MCM8: variants seen among roughly 807,000 people sequenced by gnomAD.
MCM8 encodes the protein DNA helicase MCM8.
A neutral mutation model predicts 98.9 loss-of-function variants in MCM8; 85 were observed. The observed-to-expected ratio is 0.86, with a 90% CI of 0.72 to 1.03. MCM8 has a LOEUF of 1.03. Among genes scored for constraint, MCM8 ranks in the 50% least tolerant of loss-of-function variants. The pLI, the probability that MCM8 is intolerant of heterozygous loss-of-function variation, is 0.00. For synonymous variants in MCM8, 352 were observed against 338.6 expected (o/e 1.04, Z -0.44); for missense variants, 951 against 997.8 (o/e 0.95, Z 0.63).
chr20:5,979,557 C>T (rs2089588610), intron 13 of MCM8, among the ~76,000 whole-genome samples: 1 of 152,184 alleles, frequency 6.6e-6, no homozygotes, highest in Admixed American at 6.5e-5. Flanking sequence ...TGACAACTCT[C>T]ATTATAATTG....
intron 14 of MCM8, among the ~76,000 whole-genome samples, chr20:5,983,648 C>T (rs370403233): frequency 1.3e-5 from 2 of 151,798 alleles, no homozygotes; most frequent in East Asian, 1.9e-4. Context: ...TGCAGTGAGC[C>T]GAGATTGTGC....
chr20:5,966,363 A>G (rs76803455), intron 8 of MCM8, among the ~76,000 whole-genome samples: 5,229 of 149,492 alleles, frequency 0.035, 172 homozygotes, highest in South Asian at 0.12. Context: ...TCATTCTTTC[A>G]TTTTCTTTGT....
intron 17 of MCM8, among the ~76,000 whole-genome samples, chr20:5,989,609 G>T (rs2089805455): frequency 6.6e-6 from 1 of 152,132 alleles, no homozygotes; most frequent in Non-Finnish European, 1.5e-5. Flanking sequence ...GTATGTCTTA[G>T]CTGCAGATCC....
At chr20:5,954,377 G>A (rs1381185377) in intron 3 of MCM8, among the ~76,000 whole-genome samples, 1 of 152,204 alleles carries the variant, frequency 6.6e-6, no homozygotes, top group African/African-American at 2.4e-5. Context: ...TTCCCAGATA[G>A]TGGGGCTTTT....
chr20:5,981,098 C>T (rs2122785683), intron 13 of MCM8, among the ~76,000 whole-genome samples: 1 of 152,268 alleles, frequency 6.6e-6, no homozygotes, highest in Non-Finnish European at 1.5e-5. Flanking sequence ...AAAATATATA[C>T]TTCTGCACAT....
intron 13 of MCM8, among the ~76,000 whole-genome samples, chr20:5,981,682 C>T (rs1229055576): frequency 3.9e-5 from 6 of 152,178 alleles, no homozygotes; most frequent in Admixed American, 1.3e-4. Flanking sequence ...AAAGAGACAG[C>T]ATAGCAGCTG....
rs749312098 is a variant in MCM8, at chr20:5,994,347, C to T, written c.2479C>T (p.Leu827Phe). 1.9e-6 allele frequency: 3 copies of T among 1,608,706 alleles called. No homozygotes were observed. Among genetic ancestry groups the T allele is most frequent in the Admixed American group, 3.4e-5 (2 of 58,844 alleles). ...FIGSLNDQGY[L>F]LKKGPKVYQL... ...TGGATCACTAAATGACCAGGGTTACCTCTTGAAAAAAGGCCCAAAAGTTTA... is the reference window on the plus strand; with the variant it reads ...TGGATCACTAAATGACCAGGGTTACTTCTTGAAAAAAGGCCCAAAAGTTTA... Residue 827 changes from leucine to phenylalanine, a missense_variant, in exon 19 of 19, where the codon CTC (leucine) becomes TTC (phenylalanine). Coordinates refer to ENST00000610722, the MANE Select transcript of MCM8 (RefSeq NM_032485.6).
chr20:5,989,839 C>T (rs1162666362), intron 17 of MCM8, among the ~76,000 whole-genome samples: 1 of 152,166 alleles, frequency 6.6e-6, no homozygotes, highest in Admixed American at 6.5e-5. Context: ...AGGAACCTTT[C>T]TCCTTAATTC....
At chr20:5,989,792 G>C (rs6053815) in intron 17 of MCM8, among the ~76,000 whole-genome samples, 56,886 of 151,942 alleles carry the variant, frequency 0.37, 15,250 homozygotes, top group African/African-American at 0.76. Context: ...GAATCTGCAG[G>C]TTGTTTCCTG....
intron 14 of MCM8, among the ~76,000 whole-genome samples, chr20:5,984,515 A>G (rs1291614773): frequency 6.6e-6 from 1 of 152,230 alleles, no homozygotes; most frequent in Non-Finnish European, 1.5e-5. Flanking sequence ...ATTAGTGATA[A>G]TAGGACATGA....
intron 12 of MCM8, among the ~76,000 whole-genome samples, chr20:5,974,812 A>G (rs766346012): frequency 4.6e-5 from 7 of 152,132 alleles, no homozygotes; most frequent in Admixed American, 1.3e-4. Flanking sequence ...ATTCCTAGAT[A>G]TTATTATAAT....
Position 5,985,944 on chromosome 20 carries a change from A to G in MCM8, c.1976A>G (p.Asp659Gly), listed in dbSNP as rs761519033. Residue 659 changes from aspartate to glycine, a missense_variant, in exon 16 of 19, where the codon GAT (aspartate) becomes GGT (glycine). Asp to Gly is a moderately conservative substitution (Grantham distance 94). Coordinates refer to ENST00000610722, the MANE Select transcript of MCM8 (RefSeq NM_032485.6). ...RLKVVPGETI[D>G]PIPHQLLRKY... ...CAGGTGGTTCCTGGAGAAACAATAG[A>G]TCCCATTCCCCACCAGCTATTGAGA... is the stretch of plus-strand genomic sequence containing the variant. 1 of 1,614,162 alleles carries G rather than the reference A, an allele frequency of 6.2e-7. No individual in the cohort carries two copies. The highest frequency in any genetic ancestry group is 8.5e-7 in the Non-Finnish European group (1 of 1,180,020).
chr20:5,959,243 A>G (rs997453375), intron 7 of MCM8, among the ~76,000 whole-genome samples: 1 of 152,236 alleles, frequency 6.6e-6, no homozygotes, highest in Non-Finnish European at 1.5e-5. Context: ...TTTGGCAAAT[A>G]TTAATATTAT....
chr20:5,956,277 G>C (rs1036436415), intron 5 of MCM8, among the ~76,000 whole-genome samples: 6 of 152,122 alleles, frequency 3.9e-5, no homozygotes, highest in Non-Finnish European at 7.3e-5. Context: ...CCTTTCTCAT[G>C]ACCACTTTTC....
chr20:5,955,187 T>A lies in MCM8; in HGVS notation c.422T>A (p.Ile141Lys). The A allele has an allele frequency of 6.2e-7, 1 of 1,613,958 alleles. No individual in the cohort carries two copies. Among genetic ancestry groups the A allele is most frequent in the Admixed American group, 1.7e-5 (1 of 60,006 alleles). ...GAAGTAACTAACTTGATACCAGATA[T>A]AGCAACTGAACTAAGAGATGCACCT... ...GGEVTNLIPDIATELRDAPEK... is the reference protein window; with the variant it reads ...GGEVTNLIPDKATELRDAPEK... Residue 141 changes from isoleucine to lysine, a missense_variant, in exon 5 of 19, where the codon ATA becomes AAA. Transcript: ENST00000610722.
intron 8 of MCM8, among the ~76,000 whole-genome samples, chr20:5,963,867 C>T (rs1273670275): frequency 6.6e-6 from 1 of 152,144 alleles, no homozygotes; most frequent in Admixed American, 6.5e-5. Context: ...TATTCTCTGT[C>T]AGATTCCAGA....
Position 5,955,136 on chromosome 20 carries a change from A to G in MCM8, c.371A>G (p.Asp124Gly). Residue 124 changes from aspartate to glycine, a missense_variant, in exon 5 of 19, where the codon GAT becomes GGT. Coordinates refer to ENST00000610722, the MANE Select transcript of MCM8 (RefSeq NM_032485.6). The stretch of plus-strand genomic sequence containing the variant: ...GAAAGAAAGGGAAGTATTTTGGTAG[A>G]TTTTAAAGAACTGACAGAAGGTGGT... ...EIERKGSILVDFKELTEGGEV... is the reference protein window; with the variant it reads ...EIERKGSILVGFKELTEGGEV... The G allele has an allele frequency of 6.2e-7, 1 of 1,607,746 alleles. No individual in the cohort carries two copies. Among genetic ancestry groups the G allele is most frequent in the Non-Finnish European group, 8.5e-7 (1 of 1,174,680 alleles).
At position 5,952,533 on chromosome 20, in the gene MCM8, G is replaced by A. The variant is rs200763655; in HGVS notation, c.253+5G>A. 2.8e-5 allele frequency: 45 copies of A among 1,607,482 alleles called. 1 individual carries two copies. The East Asian group carries it at 9.6e-4, about 34-fold the overall frequency. On this transcript the variant is annotated splice_donor_5th_base_variant and intron_variant, in intron 3 of 18. Transcript: ENST00000610722. ...GGAAGCTTTATTTCTCTGAAGGTAG[G>A]GTTTAAAAAGTACAAAAAAGCACCA...
Position 5,973,039 on chromosome 20 carries a change from C to A in MCM8, c.1255-17C>A, listed in dbSNP as rs747046175. ...GTTTTCCTTACTTCTGTTTTTTGTTCTTTTTTCGCACTTGAGCTTGTTAAA... is the reference window on the plus strand; with the variant it reads ...GTTTTCCTTACTTCTGTTTTTTGTTATTTTTTCGCACTTGAGCTTGTTAAA... On this transcript the variant is annotated splice_polypyrimidine_tract_variant and intron_variant, in intron 11 of 18. Transcript: ENST00000610722. 1 of 1,609,356 alleles carries A rather than the reference C, an allele frequency of 6.2e-7. No homozygotes were observed. The highest frequency in any genetic ancestry group is 1.3e-5 in the African/African-American group (1 of 74,646).
Sources: gnomAD v4.1 joint callset for allele counts (sites outside exome capture counted in the v4.1 genomes callset) on GRCh38, gnomAD v4.1.1 for gene constraint, MANE v1.5 for transcripts, NCBI Gene and HGNC (gene_info 2026-07-23, HGNC 2026-07-21) for gene names.